DSCAM: variants seen among roughly 807,000 people sequenced by gnomAD.
DSCAM encodes DS cell adhesion molecule, also known as cell adhesion molecule DSCAM.
A neutral mutation model predicts 217.7 loss-of-function variants in DSCAM; 47 were observed. That is an observed-to-expected ratio of 0.22 (90% confidence interval 0.17 to 0.28). The LOEUF (loss-of-function observed/expected upper bound fraction) is 0.28, where lower values mean the gene tolerates loss of function less well. DSCAM is among the 10% of genes least tolerant of loss of function. DSCAM has a pLI of 1.00. For missense variants in DSCAM, 2,080 were observed against 2,618.3 expected (o/e 0.79, Z 4.49); for synonymous variants, 1,056 against 1,015.3 (o/e 1.04, Z -0.76).
intron 3 of DSCAM, among the ~76,000 whole-genome samples, chr21:40,654,434 C>T (rs1372158179): frequency 6.6e-6 from 1 of 152,200 alleles, no homozygotes; most frequent in African/African-American, 2.4e-5. Context: ...TTTGATTGTT[C>T]ACTGCACTAA....
chr21:40,320,366 A>G (rs750139289), intron 8 of DSCAM, among the ~76,000 whole-genome samples: 1 of 152,170 alleles, frequency 6.6e-6, no homozygotes, highest in Non-Finnish European at 1.5e-5. Flanking sequence ...TCTTTATTTT[A>G]CACAATAAAG....
intron 3 of DSCAM, among the ~76,000 whole-genome samples, chr21:40,454,830 T>C (rs907345581): frequency 1.3e-5 from 2 of 152,134 alleles, no homozygotes; most frequent in African/African-American, 4.8e-5. Context: ...TCCTTTCGAG[T>C]GTGTGGCACC....
At chr21:40,422,285 T>C (rs916393570) in intron 3 of DSCAM, among the ~76,000 whole-genome samples, 1 of 152,180 alleles carries the variant, frequency 6.6e-6, no homozygotes, top group African/African-American at 2.4e-5. Flanking sequence ...AAAAGGTTCG[T>C]TGACATATTT....
intron 15 of DSCAM, among the ~76,000 whole-genome samples, chr21:40,172,790 C>T (rs1200331457): frequency 6.6e-6 from 1 of 152,098 alleles, no homozygotes; most frequent in Admixed American, 6.5e-5. Flanking sequence ...GACTGGGATA[C>T]AAAAGCAGAA....
At chr21:40,432,527 T>C (rs1026046944) in intron 3 of DSCAM, among the ~76,000 whole-genome samples, 2 of 152,172 alleles carry the variant, frequency 1.3e-5, no homozygotes, top group African/African-American at 4.8e-5. Flanking sequence ...TTTAATCACA[T>C]CTATAAAGTC....
chr21:40,446,471 A>G (rs2075675538), intron 3 of DSCAM, among the ~76,000 whole-genome samples: 1 of 152,230 alleles, frequency 6.6e-6, no homozygotes. Context: ...GACCCCACTC[A>G]GTATCCTTCC....
intron 3 of DSCAM, among the ~76,000 whole-genome samples, chr21:40,624,531 C>T (rs989983841): frequency 6.6e-6 from 1 of 152,092 alleles, no homozygotes; most frequent in South Asian, 2.1e-4. Context: ...GTGAGAGGCA[C>T]CTGGACAGCC....
intron 3 of DSCAM, among the ~76,000 whole-genome samples, chr21:40,517,200 A>G (rs552435780): frequency 6.7e-6 from 1 of 149,120 alleles, no homozygotes; most frequent in East Asian, 2.0e-4. Flanking sequence ...CTCTGCATAT[A>G]CATATATATG....
intron 16 of DSCAM, among the ~76,000 whole-genome samples, chr21:40,152,581 C>T (rs1378054988): frequency 6.6e-6 from 1 of 152,210 alleles, no homozygotes; most frequent in Non-Finnish European, 1.5e-5. Context: ...CTTTCTCCAG[C>T]TTCCAAATCC....
chr21:40,507,284 A>G (rs963429505), intron 3 of DSCAM, among the ~76,000 whole-genome samples: 3 of 152,158 alleles, frequency 2.0e-5, no homozygotes, highest in African/African-American at 7.2e-5. Context: ...CTCAAAAATA[A>G]TAATAATAAA....
At chr21:40,591,035 T>C (rs1201399715) in intron 3 of DSCAM, among the ~76,000 whole-genome samples, 1 of 152,182 alleles carries the variant, frequency 6.6e-6, no homozygotes, top group Non-Finnish European at 1.5e-5. Context: ...CAGGTGGAGA[T>C]AATGGAATCA....
intron 1 of DSCAM, among the ~76,000 whole-genome samples, chr21:40,740,074 A>G (rs1330692286): frequency 6.7e-6 from 1 of 149,162 alleles, no homozygotes; most frequent in African/African-American, 2.5e-5. Flanking sequence ...GGCAGAGGAA[A>G]TGCCTGGAGC....
chr21:40,475,638 C>A (rs904712254), intron 3 of DSCAM, among the ~76,000 whole-genome samples: 1 of 152,160 alleles, frequency 6.6e-6, no homozygotes, highest in African/African-American at 2.4e-5. Flanking sequence ...CAAGACCAGC[C>A]TGACCAACAT....
chr21:40,685,001 G>C (rs998020462), intron 3 of DSCAM, among the ~76,000 whole-genome samples: 1 of 152,172 alleles, frequency 6.6e-6, no homozygotes, highest in South Asian at 2.1e-4. Flanking sequence ...TTTACACTTA[G>C]GTGGAGCAAG....
intron 3 of DSCAM, among the ~76,000 whole-genome samples, chr21:40,501,468 A>G (rs993363017): frequency 1.1e-4 from 17 of 152,068 alleles, no homozygotes; most frequent in Non-Finnish European, 1.0e-4. Flanking sequence ...TATGCTCCCT[A>G]CTTTTATTCA....
intron 3 of DSCAM, among the ~76,000 whole-genome samples, chr21:40,511,993 A>AG: frequency 6.9e-6 from 1 of 145,358 alleles, no homozygotes; most frequent in Non-Finnish European, 1.5e-5. Context: ...TCTGTCTCAA[A>AG]AAAAAAAAAA....
At position 40,144,483 on chromosome 21, in the gene DSCAM, G is replaced by A. The variant is rs747655536; in HGVS notation, c.3259+8C>T. 47 of 1,613,236 alleles carry A rather than the reference G, an allele frequency of 2.9e-5. No homozygotes were observed. Among genetic ancestry groups the A allele is most frequent in the South Asian group, 6.6e-5 (6 of 91,026 alleles). ...GAAAAGCCACGACCAGGCCCCGGCCGAACCTACCATCCTCGAGAGTGGTGG... is the reference window on the plus strand; with the variant it reads ...GAAAAGCCACGACCAGGCCCCGGCCAAACCTACCATCCTCGAGAGTGGTGG... On this transcript the variant is annotated splice_region_variant and intron_variant, in intron 17 of 32. Coordinates refer to ENST00000400454, the MANE Select transcript of DSCAM (RefSeq NM_001389.5). The surrounding 1 kb of genome is among the most constrained non-coding windows in gnomAD (Gnocchi z 4.8).
intron 32 of DSCAM, among the ~76,000 whole-genome samples, chr21:40,022,821 G>A (rs911292137): frequency 1.3e-5 from 2 of 151,356 alleles, no homozygotes; most frequent in Non-Finnish European, 2.9e-5. Flanking sequence ...TTAGCAACAA[G>A]TAATATTTAC....
At chr21:40,522,561 A>G (rs2076367325) in intron 3 of DSCAM, among the ~76,000 whole-genome samples, 1 of 152,194 alleles carries the variant, frequency 6.6e-6, no homozygotes, top group African/African-American at 2.4e-5. Context: ...CAGTTTCAAA[A>G]GTGGAGAGTT....
Sources: allele counts gnomAD v4.1 joint callset (sites outside exome capture counted in the v4.1 genomes callset), GRCh38; gene constraint gnomAD v4.1.1; non-coding constraint Gnocchi (gnomAD v3.1); transcripts MANE v1.5; gene names NCBI Gene and HGNC (gene_info 2026-07-23, HGNC 2026-07-21).